DLC1: variants seen among roughly 807,000 people sequenced by gnomAD.
The protein encoded by DLC1 is rho GTPase-activating protein 7.
Under a neutral mutation model 140.3 loss-of-function variants are expected in DLC1, and 54 were observed. The ratio of observed to expected loss-of-function variants is 0.38; its 90% CI spans 0.31 to 0.48. The LOEUF (loss-of-function observed/expected upper bound fraction) is 0.48, where lower values mean the gene tolerates loss of function less well. Ranked by LOEUF, DLC1 falls within the 20% of genes least tolerant of loss-of-function variation. The pLI is 0.96. For missense variants in DLC1, 2,536 were observed against 1,907.0 expected (o/e 1.33, Z -6.14); for synonymous variants, 986 against 728.1 (o/e 1.35, Z -5.70).
rs779132838 is a variant in DLC1 at position 13,500,090 on chromosome 8, C to G, written c.-19G>C. ...CAGACATGTCATCGTAGTTTAACAACAGACAGAGAGATATATTCCATATGA... is the reference window on the plus strand; with the variant it reads ...CAGACATGTCATCGTAGTTTAACAAGAGACAGAGAGATATATTCCATATGA... On this transcript the variant is annotated 5_prime_UTR_variant, in exon 2 of 18. Coordinates refer to ENST00000276297, the MANE Select transcript of DLC1 (RefSeq NM_182643.3). 1.9e-6 allele frequency: 3 copies of G among 1,596,298 alleles called. No individual in the cohort carries two copies. The highest frequency in any genetic ancestry group is 2.6e-6 in the Non-Finnish European group (3 of 1,166,632).
At chr8:13,345,804 T>C (rs1586175470) in intron 4 of DLC1, among the ~76,000 whole-genome samples, 1 of 152,138 alleles carries the variant, frequency 6.6e-6, no homozygotes, top group East Asian at 1.9e-4. Context: ...AGTGATCCAC[T>C]CTCTGTGGCC....
intron 5 of DLC1, among the ~76,000 whole-genome samples, chr8:13,139,618 G>A (rs552866740): frequency 2.6e-5 from 4 of 152,160 alleles, no homozygotes; most frequent in Non-Finnish European, 5.9e-5. Flanking sequence ...GCTTTCCTGA[G>A]ATACTTACTA....
chr8:13,576,352 T>C (rs1804836000), intron 1 of DLC1, among the ~76,000 whole-genome samples: 1 of 152,172 alleles, frequency 6.6e-6, no homozygotes, highest in African/African-American at 2.4e-5. Flanking sequence ...GCCTATTGTA[T>C]TGCAATTTGA....
Position 13,393,615 on chromosome 8 carries a change from C to T in DLC1, c.1252G>A (p.Glu418Lys), listed in dbSNP as rs996872206. The T allele has an allele frequency of 6.2e-7, 1 of 1,613,996 alleles. No individual in the cohort carries two copies. The highest frequency in any genetic ancestry group is 8.5e-7 in the Non-Finnish European group (1 of 1,180,034). ...GTGGAAGATGGGAGGTCCGTGGACT[C>T]AGTGTCAGAAGACAAATTTACTCGT... ...QTRVNLSSDT[E>K]STDLPSSTPV... Residue 418 changes from glutamate (E) to lysine (K), a missense_variant, in exon 4 of 18, where the codon GAG becomes AAG. Physicochemically the swap from Glu to Lys is moderately conservative, Grantham distance 56. Coordinates refer to ENST00000276297, the MANE Select transcript of DLC1 (RefSeq NM_182643.3).
chr8:13,141,770 C>T (rs1372049476), intron 5 of DLC1, among the ~76,000 whole-genome samples: 1 of 152,210 alleles, frequency 6.6e-6, no homozygotes, highest in Non-Finnish European at 1.5e-5. Context: ...CGTCTATCTT[C>T]CAAGATTGGC....
intron 4 of DLC1, among the ~76,000 whole-genome samples, chr8:13,332,630 G>T (rs1833644448): frequency 1.4e-5 from 2 of 144,596 alleles, no homozygotes; most frequent in Non-Finnish European, 3.1e-5. Flanking sequence ...TGGGTTCCAT[G>T]TTGGCCTGGC....
chr8:13,324,294 C>T (rs62492886), intron 4 of DLC1, among the ~76,000 whole-genome samples: 5,664 of 152,228 alleles, frequency 0.037, 156 homozygotes, highest in Non-Finnish European at 0.057. Context: ...ATCGGCCAGG[C>T]GTGGTGGCTC....
chr8:13,559,812 G>A (rs1479102481), intron 1 of DLC1, among the ~76,000 whole-genome samples: 1 of 152,128 alleles, frequency 6.6e-6, no homozygotes, highest in Non-Finnish European at 1.5e-5. Flanking sequence ...CATCATCTGT[G>A]CTATGAAAGG....
chr8:13,379,675 T>C (rs968131145), intron 4 of DLC1, among the ~76,000 whole-genome samples: 1 of 152,194 alleles, frequency 6.6e-6, no homozygotes, highest in African/African-American at 2.4e-5. Context: ...CTGGGGTACA[T>C]GTGCAGAACT....
At position 13,499,736 on chromosome 8, in the gene DLC1, A is replaced by G; in HGVS notation, c.336T>C (p.Asp112=). Residue 112 remains aspartate, a synonymous_variant, in exon 2 of 18, where the codon GAT becomes GAC. Coordinates refer to ENST00000276297, the MANE Select transcript of DLC1 (RefSeq NM_182643.3). Reference sequence around the variant, plus strand: ...GGCATAAATCAGCATTGTTATCCTCATCAGAAACATGCACTAGTGTTTCTG... The same window carrying G: ...GGCATAAATCAGCATTGTTATCCTCGTCAGAAACATGCACTAGTGTTTCTG... The part of the protein sequence containing the change: ...ASTETLVHVS[D]EDNNADLCLT... The G allele has an allele frequency of 6.2e-7, 1 of 1,614,180 alleles. No individual in the cohort carries two copies.
chr8:13,530,367 T>C (rs755560118), intron 1 of DLC1, among the ~76,000 whole-genome samples: 6 of 152,204 alleles, frequency 3.9e-5, no homozygotes, highest in Non-Finnish European at 8.8e-5. Flanking sequence ...TAAAAATTCC[T>C]TGAAATGCAA....
At chr8:13,132,888 C>G (rs1197214728) in intron 5 of DLC1, 1 of 1,551,072 alleles carries the variant, frequency 6.4e-7, no homozygotes, top group South Asian at 1.2e-5. Flanking sequence ...GCGGCGGGTC[C>G]CCTCCGCAGC....
chr8:13,210,318 A>G (rs1799164068), intron 5 of DLC1, among the ~76,000 whole-genome samples: 1 of 152,192 alleles, frequency 6.6e-6, no homozygotes, highest in Non-Finnish European at 1.5e-5. Flanking sequence ...TTAGAAGACC[A>G]GGATATTTAT....
At chr8:13,525,492 A>C (rs1024771891) in intron 1 of DLC1, among the ~76,000 whole-genome samples, 1 of 152,202 alleles carries the variant, frequency 6.6e-6, no homozygotes, top group African/African-American at 2.4e-5. Context: ...ATGCATGCCA[A>C]CAGTTGGTAT....
chr8:13,184,320 T>G (rs888706558), intron 5 of DLC1, among the ~76,000 whole-genome samples: 13 of 152,182 alleles, frequency 8.5e-5, no homozygotes, highest in African/African-American at 3.1e-4. Flanking sequence ...TCTCCTTTAG[T>G]TATTTCTTGC....
At chr8:13,342,022 C>T (rs1412708277) in intron 4 of DLC1, 1 of 152,128 alleles carries the variant, frequency 6.6e-6, no homozygotes, top group East Asian at 1.9e-4. Context: ...TGCATCAGAT[C>T]GAGAGGATAC....
At chr8:13,355,148 C>T (rs545287065) in intron 4 of DLC1, among the ~76,000 whole-genome samples, 20 of 149,862 alleles carry the variant, frequency 1.3e-4, no homozygotes, top group Admixed American at 6.7e-4. Flanking sequence ...CTAAATATTA[C>T]GATCAAATTT....
intron 2 of DLC1, chr8:13,498,841 CATT>C: frequency 1.8e-6 from 1 of 548,446 alleles, no homozygotes; most frequent in African/African-American, 1.9e-5. Context: ...CCATTATACA[CATT>C]ATTAGTGAAA....
chr8:13,465,291 T>C (rs982125361), intron 2 of DLC1, among the ~76,000 whole-genome samples: 1 of 152,184 alleles, frequency 6.6e-6, no homozygotes, highest in African/African-American at 2.4e-5. Flanking sequence ...TTTTGGAGTA[T>C]GTGAATGGTT....
Sources: gnomAD v4.1 joint callset for allele counts (sites outside exome capture counted in the v4.1 genomes callset) on GRCh38, gnomAD v4.1.1 for gene constraint, MANE v1.5 for transcripts, NCBI Gene and HGNC (gene_info 2026-07-23, HGNC 2026-07-21) for gene names.